C6: variants seen among roughly 807,000 people sequenced by gnomAD.
C6 encodes the protein complement C6, also known as complement component C6.
In C6, 101 loss-of-function variants were observed where a neutral mutation model predicts 112.9. The observed-to-expected ratio is 0.89, with a 90% CI of 0.76 to 1.06. C6 has a LOEUF of 1.06. Ranked by LOEUF, C6 falls within the 50% of genes least tolerant of loss-of-function variation. The pLI is 0.00. For synonymous variants in C6, 431 were observed against 384.1 expected (o/e 1.12, Z -1.43); for missense variants, 1,202 against 1,104.6 (o/e 1.09, Z -1.25).
chr5:41,191,224 G>T (rs550537449), intron 5 of C6, among the ~76,000 whole-genome samples: 1 of 151,714 alleles, frequency 6.6e-6, no homozygotes, highest in East Asian at 2.0e-4. Flanking sequence ...CCACCACCAC[G>T]CCTGGCTAAT....
At position 41,176,599 on chromosome 5, in the gene C6, T is replaced by C; in HGVS notation, c.1044A>G (p.Glu348=). ...FLKALNHLPL[E]YNSALYSRIF... ...TTCGGCTGTACAAAGCAGAGTTGTATTCTAGAGGCAGATGGTTAAGTGCTT... is the reference window on the plus strand; with the variant it reads ...TTCGGCTGTACAAAGCAGAGTTGTACTCTAGAGGCAGATGGTTAAGTGCTT... The change falls in exon 8 of 18, where the codon GAA becomes GAG. Residue 348 remains glutamate, a synonymous_variant. Transcript: ENST00000337836. 1 of 1,613,972 alleles carries C rather than the reference T, an allele frequency of 6.2e-7. No individual in the cohort carries two copies. The highest frequency in any genetic ancestry group is 8.5e-7 in the Non-Finnish European group (1 of 1,179,910).
intron 1 of C6, among the ~76,000 whole-genome samples, chr5:41,208,649 C>A (rs1356768585): frequency 1.3e-5 from 2 of 152,172 alleles, no homozygotes; most frequent in Non-Finnish European, 2.9e-5. Context: ...TGAACACATA[C>A]AACCTCTCAA....
In C6 at chr5:41,158,800, T is replaced by C; in HGVS notation, c.1857-15A>G. ...ATGGTTGTCCACTAAAAGGGAAACA[T>C]AAATATGTGTGTATATGTATGTATG... On this transcript the variant is annotated splice_polypyrimidine_tract_variant and intron_variant, in intron 12 of 17. Coordinates refer to ENST00000337836, the MANE Select transcript of C6 (RefSeq NM_000065.5). The C allele has an allele frequency of 1.4e-6, 2 of 1,398,174 alleles. No individual in the cohort carries two copies. The allele number at this position is 1,398,174 out of a possible 1,614,324, so 86.6% of individuals were successfully genotyped here.
intron 15 of C6, 37 bp downstream of exon 15, chr5:41,153,773 A>C (rs1230393746): frequency 1.3e-6 from 2 of 1,507,624 alleles, no homozygotes; most frequent in African/African-American, 1.4e-5. Context: ...AGGGTGCACC[A>C]CCTTATCAGA....
intron 9 of C6, among the ~76,000 whole-genome samples, chr5:41,162,536 C>A (rs1406346450): frequency 6.6e-6 from 1 of 152,200 alleles, no homozygotes; most frequent in Non-Finnish European, 1.5e-5. Flanking sequence ...CTCTTTTATA[C>A]AAATTGCCAT....
At chr5:41,186,633 A>G (rs1282241504) in intron 5 of C6, among the ~76,000 whole-genome samples, 1 of 152,148 alleles carries the variant, frequency 6.6e-6, no homozygotes, top group African/African-American at 2.4e-5. Context: ...CAATATTTTA[A>G]TGGAATTGTA....
chr5:41,232,694 A>G (rs1164769923), intron 1 of C6, among the ~76,000 whole-genome samples: 3 of 151,958 alleles, frequency 2.0e-5, no homozygotes, highest in African/African-American at 7.2e-5. Context: ...TTTTTGCTTC[A>G]TTACCCTCTC....
chr5:41,209,287 A>G (rs1751700477), intron 1 of C6, among the ~76,000 whole-genome samples: 1 of 152,240 alleles, frequency 6.6e-6, no homozygotes, highest in African/African-American at 2.4e-5. Context: ...AAAAACTGGA[A>G]GCATTCCCTT....
At position 41,179,735 on chromosome 5, in the gene C6, T is replaced by A. The variant is rs113829014; in HGVS notation, c.927+1624A>T. On this transcript the variant is annotated intron_variant, in intron 7 of 17. Transcript: ENST00000337836. ...ATATAATTTATACATAAAATGAATC[T>A]ATTTCATTGTCATTTTTACATGTCT... Among the ~76,000 whole-genome samples the A allele has an allele frequency of 7.9e-3, 1,189 of 149,608 alleles. 17 individuals carry two copies. Among genetic ancestry groups the A allele is most frequent in the African/African-American group, 0.027 (1,113 of 41,082 alleles).
At chr5:41,230,699 AC>A (rs1235716679) in intron 1 of C6, among the ~76,000 whole-genome samples, 2 of 151,578 alleles carry the variant, frequency 1.3e-5, no homozygotes, top group Non-Finnish European at 2.9e-5. Flanking sequence ...CTGTTCGTAC[AC>A]CCCCTCCCCT....
intron 5 of C6, 48 bp from the exon 6 acceptor site, chr5:41,186,256 T>C: frequency 6.2e-7 from 1 of 1,602,916 alleles, no homozygotes; most frequent in Non-Finnish European, 8.5e-7. Flanking sequence ...AGAACAATCT[T>C]TAAAATTTAC....
intron 1 of C6, among the ~76,000 whole-genome samples, chr5:41,209,573 C>A (rs9800053): frequency 0.87 from 133,136 of 152,168 alleles, 58,339 homozygotes; most frequent in Admixed American, 0.93. Flanking sequence ...CCTATATACC[C>A]ATAATAGACA....
At chr5:41,186,019 G>A in intron 6 of C6, 51 bp downstream of exon 6, 2 of 1,609,500 alleles carry the variant, frequency 1.2e-6, no homozygotes, top group Non-Finnish European at 1.7e-6. Flanking sequence ...GAGAAATTTA[G>A]CTTATAATCA....
chr5:41,171,492 T>C lies in C6; in HGVS notation c.1291+733A>G, dbSNP rs139142462. Among the ~76,000 whole-genome samples, 8 of 152,238 alleles carry C rather than the reference T, an allele frequency of 5.3e-5. No individual in the cohort carries two copies. In the East Asian group the frequency reaches 1.5e-3, roughly 29 times the overall value. On this transcript the variant is annotated intron_variant, in intron 9 of 17. Transcript: ENST00000337836. ...CAGCAGGGAGAGAATATGTGAAGCA[T>C]TGTAGCCTATAGACTTTCCGGTAGA...
At chr5:41,231,907 A>G (rs1163504113) in intron 1 of C6, among the ~76,000 whole-genome samples, 2 of 151,258 alleles carry the variant, frequency 1.3e-5, no homozygotes, top group Non-Finnish European at 2.9e-5. Context: ...TTTTTCTGGC[A>G]CAGTTAGAGT....
chr5:41,201,461 T>C (rs1381115230), intron 3 of C6, 97 bp downstream of exon 3: 31 of 1,195,760 alleles, frequency 2.6e-5, no homozygotes, highest in Non-Finnish European at 3.3e-5. Flanking sequence ...TTTTCAGAAA[T>C]TGAAGTAATT....
intron 1 of C6, among the ~76,000 whole-genome samples, chr5:41,206,833 C>G (rs1385427196): frequency 6.6e-6 from 1 of 152,156 alleles, no homozygotes; most frequent in African/African-American, 2.4e-5. Flanking sequence ...CTTCCCCAAC[C>G]TAGAAAGGCA....
At chr5:41,178,563 C>T (rs1749059478) in intron 7 of C6, among the ~76,000 whole-genome samples, 1 of 141,576 alleles carries the variant, frequency 7.1e-6, no homozygotes, top group Non-Finnish European at 1.5e-5. Flanking sequence ...GCAACCTTTG[C>T]CTCCTGGGTT....
intron 14 of C6, 129 bp downstream of exon 14, chr5:41,154,843 C>CA: frequency 1.1e-6 from 1 of 940,368 alleles, no homozygotes; most frequent in Non-Finnish European, 1.7e-6. Context: ...TTCTGCTTCA[C>CA]AAAATCTTTC....
Sources: allele counts gnomAD v4.1 joint callset (sites outside exome capture counted in the v4.1 genomes callset), GRCh38; gene constraint gnomAD v4.1.1; transcripts MANE v1.5; gene names NCBI Gene and HGNC (gene_info 2026-07-23, HGNC 2026-07-21).